IL1RAPL2: variants seen among roughly 807,000 people sequenced by gnomAD.
IL1RAPL2 encodes the protein interleukin 1 receptor accessory protein like 2.
Under a neutral mutation model 44.1 loss-of-function variants are expected in IL1RAPL2, and 3 were observed. The ratio of observed to expected loss-of-function variants is 0.07; its 90% CI spans 0.03 to 0.18. IL1RAPL2 has a LOEUF of 0.18. Ranked by LOEUF, IL1RAPL2 falls within the 10% of genes least tolerant of loss-of-function variation. IL1RAPL2 has a pLI of 1.00. For synonymous variants in IL1RAPL2, 181 were observed against 178.8 expected (o/e 1.01, Z -0.10); for missense variants, 391 against 496.4 (o/e 0.79, Z 2.02).
intron 2 of IL1RAPL2, among the ~76,000 whole-genome samples, chrX:105,048,902 G>T (rs1233052584): frequency 8.9e-6 from 1 of 112,213 alleles, no homozygotes; most frequent in Non-Finnish European, 1.9e-5. Flanking sequence ...AGGCACCACA[G>T]ATTTACAGAC....
chrX:105,492,221 A>T (rs1448693371), intron 6 of IL1RAPL2, among the ~76,000 whole-genome samples: 1 of 111,546 alleles, frequency 9.0e-6, no homozygotes, highest in Non-Finnish European at 1.9e-5. Context: ...GCAGATGAGG[A>T]AACGTAACCA....
intron 4 of IL1RAPL2, among the ~76,000 whole-genome samples, chrX:105,242,960 G>A (rs781968876): frequency 4.2e-4 from 46 of 110,368 alleles, no homozygotes; most frequent in African/African-American, 1.4e-3. Flanking sequence ...TTAGCTGGGC[G>A]TGATGGTGCA....
In IL1RAPL2 at chrX:104,815,155, C is replaced by T. The variant is rs370149520; in HGVS notation, c.82+156160C>T. On this transcript the variant is annotated intron_variant, in intron 2 of 10. Coordinates refer to ENST00000372582, the MANE Select transcript of IL1RAPL2 (RefSeq NM_017416.2). ...GAGAAAAAAGAAAAATCTAAGAAAG[C>T]AAATAATTGGGATAGGGAAAGGGGA... Among the ~76,000 whole-genome samples, 36 of 111,204 alleles carry T rather than the reference C, an allele frequency of 3.2e-4. No individual in the cohort carries two copies. In the South Asian group the frequency reaches 0.012, roughly 37 times the overall value.
intron 5 of IL1RAPL2, among the ~76,000 whole-genome samples, chrX:105,410,799 A>G: frequency 8.9e-6 from 1 of 111,980 alleles, no homozygotes; most frequent in South Asian, 3.7e-4. Context: ...AAGTGAAAGG[A>G]TGACATCTAC....
At chrX:104,852,683 G>A (rs1922258532) in intron 2 of IL1RAPL2, among the ~76,000 whole-genome samples, 3 of 112,125 alleles carry the variant, frequency 2.7e-5, no homozygotes, top group Non-Finnish European at 5.6e-5. Flanking sequence ...AAGATAAGAA[G>A]CTAAGTAAGG....
At chrX:105,073,871 C>T (rs1023293974) in intron 2 of IL1RAPL2, among the ~76,000 whole-genome samples, 3 of 111,309 alleles carry the variant, frequency 2.7e-5, no homozygotes, top group Non-Finnish European at 5.7e-5. Flanking sequence ...ATCCTTTGCC[C>T]ACTTTTTGAT....
chrX:105,657,087 TTAC>T (rs1318008603), intron 6 of IL1RAPL2, among the ~76,000 whole-genome samples: 1 of 111,639 alleles, frequency 9.0e-6, no homozygotes, highest in Non-Finnish European at 1.9e-5. Context: ...ACTACTCCTA[TTAC>T]TACTACTACA....
intron 2 of IL1RAPL2, among the ~76,000 whole-genome samples, chrX:105,106,106 T>A (rs1396428085): frequency 8.9e-6 from 1 of 112,163 alleles, no homozygotes; most frequent in Non-Finnish European, 1.9e-5. Context: ...GAAAGTCCCA[T>A]GATTTTCTTC....
At chrX:105,275,445 A>G (rs948634036) in intron 5 of IL1RAPL2, among the ~76,000 whole-genome samples, 2 of 112,040 alleles carry the variant, frequency 1.8e-5, no homozygotes. Flanking sequence ...GGTTATGATT[A>G]GTATCACTTA....
intron 2 of IL1RAPL2, among the ~76,000 whole-genome samples, chrX:104,813,226 G>A (rs1921041437): frequency 1.8e-5 from 2 of 111,533 alleles, no homozygotes; most frequent in African/African-American, 6.5e-5. Context: ...GTCAGCAGTG[G>A]TGGGATGGGG....
intron 5 of IL1RAPL2, among the ~76,000 whole-genome samples, chrX:105,313,392 C>T (rs1249590741): frequency 8.9e-6 from 1 of 112,198 alleles, no homozygotes; most frequent in Non-Finnish European, 1.9e-5. Flanking sequence ...CACAGAATGA[C>T]TTCAACAGAA....
At chrX:105,106,343 C>G (rs1004883685) in intron 2 of IL1RAPL2, among the ~76,000 whole-genome samples, 2 of 110,658 alleles carry the variant, frequency 1.8e-5, no homozygotes, top group South Asian at 7.6e-4. Context: ...GCTTTGGAAA[C>G]CGGGCTCTTC....
chrX:104,596,946 T>C (rs1928775789), intron 1 of IL1RAPL2, among the ~76,000 whole-genome samples: 1 of 110,999 alleles, frequency 9.0e-6, no homozygotes, highest in South Asian at 3.8e-4. Flanking sequence ...TGGATTAGCC[T>C]AAGTCCAAAG....
intron 2 of IL1RAPL2, among the ~76,000 whole-genome samples, chrX:104,946,409 A>AAAAC (rs1163144267): frequency 1.2e-5 from 1 of 84,967 alleles, no homozygotes; most frequent in Admixed American, 1.4e-4. Context: ...AAAAAAAAAA[A>AAAAC]CTTTTTAAAA....
chrX:105,217,922 A>T (rs1209876838), intron 3 of IL1RAPL2, among the ~76,000 whole-genome samples: 1 of 111,369 alleles, frequency 9.0e-6, no homozygotes, highest in Non-Finnish European at 1.9e-5. Flanking sequence ...AGGGAGGAGG[A>T]CATCACACAC....
chrX:105,421,080 G>A (rs1394277541), intron 5 of IL1RAPL2, among the ~76,000 whole-genome samples: 1 of 111,801 alleles, frequency 8.9e-6, no homozygotes, highest in Non-Finnish European at 1.9e-5. Flanking sequence ...GCCCATGGTG[G>A]TCAGAGCACA....
chrX:104,839,153 T>G lies in IL1RAPL2; in HGVS notation c.82+180158T>G, dbSNP rs758846424. ...CATGAGCCACTGTGCCCGGCCCTCT[T>G]GTGCCTGAAAGGGAATGCTACTAGA... On this transcript the variant is annotated intron_variant, in intron 2 of 10. Transcript: ENST00000372582. Among the ~76,000 whole-genome samples, 6 of 110,689 alleles carry G rather than the reference T, an allele frequency of 5.4e-5. No homozygotes were observed. In the South Asian group the frequency reaches 1.9e-3, roughly 36 times the overall value.
chrX:105,527,436 TTGTGTGTG>T (rs10687485), intron 6 of IL1RAPL2, among the ~76,000 whole-genome samples: 42 of 95,618 alleles, frequency 4.4e-4, no homozygotes, highest in African/African-American at 1.4e-3. Context: ...TGAGAGTGTG[TTGTGTGTG>T]TGTGTGTGTG....
chrX:104,963,955 G>C (rs1043591758), intron 2 of IL1RAPL2, among the ~76,000 whole-genome samples: 1 of 109,222 alleles, frequency 9.2e-6, no homozygotes, highest in Non-Finnish European at 1.9e-5. Flanking sequence ...GAGAGAGAGA[G>C]AGAGGGAGAT....
Sources: allele counts gnomAD v4.1 joint callset (sites outside exome capture counted in the v4.1 genomes callset), GRCh38; gene constraint gnomAD v4.1.1; transcripts MANE v1.5; gene names NCBI Gene and HGNC (gene_info 2026-07-23, HGNC 2026-07-21).